DCT: variants seen among roughly 807,000 people sequenced by gnomAD.
DCT encodes the protein L-dopachrome tautomerase.
Under a neutral mutation model 53.0 loss-of-function variants are expected in DCT, and 47 were observed. That is an observed-to-expected ratio of 0.89 (90% CI 0.70 to 1.13). DCT has a LOEUF of 1.13. Ranked by LOEUF, DCT falls within the 50% of genes most tolerant of loss-of-function variation. The pLI is 0.00. For missense variants in DCT, 669 were observed against 637.4 expected, an observed-to-expected ratio of 1.05 and a Z score of -0.53; for synonymous variants, 244 against 237.0, an observed-to-expected ratio of 1.03 and a Z score of -0.27.
chr13:94,438,372 T>C lies in DCT; in HGVS notation c.*1526A>G, dbSNP rs1882041097. 1 of 231,692 alleles carries C rather than the reference T, an allele frequency of 4.3e-6. No individual in the cohort carries two copies. The highest frequency in any genetic ancestry group is 5.2e-5 in the Admixed American group (1 of 19,172). 14.4% of individuals were successfully genotyped at this position (231,692 alleles called of 1,614,324 possible). ...CTGAGCCTGCTCTCAGATGCACCTG[T>C]AGCTTTATGAGATTCAAATTCAGTT... On this transcript the variant is annotated 3_prime_UTR_variant, in exon 8 of 8. Coordinates refer to ENST00000377028, the MANE Select transcript of DCT (RefSeq NM_001922.5).
At chr13:94,456,570 AT>A (rs1883426310) in intron 6 of DCT, among the ~76,000 whole-genome samples, 1 of 152,242 alleles carries the variant, frequency 6.6e-6, no homozygotes, top group African/African-American at 2.4e-5. Flanking sequence ...AATTCTGACC[AT>A]TATAAAACAC....
chr13:94,492,235 C>A, the DCT span, among the ~76,000 whole-genome samples: 2 of 152,194 alleles, frequency 1.3e-5, no homozygotes, highest in African/African-American at 4.8e-5. Flanking sequence ...AGCAGAGAAG[C>A]AGCGAGCCTT....
Position 94,438,883 on chromosome 13 carries a change from A to G in DCT, c.*1015T>C, listed in dbSNP as rs1420922816. 3.8e-6 allele frequency: 1 copy of G among 262,382 alleles called. No individual in the cohort carries two copies. Among genetic ancestry groups the G allele is most frequent in the East Asian group, 1.1e-4 (1 of 8,762 alleles). 16.3% of individuals were successfully genotyped at this position (262,382 alleles called of 1,614,324 possible). The stretch of plus-strand genomic sequence containing the variant: ...GGCAACATTAATCAATCTAACATCA[A>G]TGCTTAAAAATAAGCCCAGTGCATT... On this transcript the variant is annotated 3_prime_UTR_variant, in exon 8 of 8. Transcript: ENST00000377028.
At chr13:94,462,835 G>T (rs1487159476) in intron 4 of DCT, among the ~76,000 whole-genome samples, 4 of 152,194 alleles carry the variant, frequency 2.6e-5, no homozygotes. Flanking sequence ...GGAGAATAGG[G>T]TGGTTCGTAT....
chr13:94,457,052 C>T (rs142674419), intron 6 of DCT, among the ~76,000 whole-genome samples: 148 of 152,302 alleles, frequency 9.7e-4, no homozygotes, highest in African/African-American at 3.4e-3. Flanking sequence ...ATCACTTGAA[C>T]GCAGGAGGCG....
the DCT span, among the ~76,000 whole-genome samples, chr13:94,531,341 C>T: frequency 3.1e-3 from 473 of 152,164 alleles, 2 homozygotes; most frequent in African/African-American, 0.011. Flanking sequence ...AAGACAATCC[C>T]AAGCCAAAAG....
At chr13:94,525,761 A>G in the DCT span, among the ~76,000 whole-genome samples, 2 of 152,132 alleles carry the variant, frequency 1.3e-5, no homozygotes, top group Non-Finnish European at 2.9e-5. Flanking sequence ...CCAAGGTAGG[A>G]AGGGGAAGAT....
chr13:94,502,740 C>A, the DCT span, among the ~76,000 whole-genome samples: 1 of 152,090 alleles, frequency 6.6e-6, no homozygotes, highest in African/African-American at 2.4e-5. Flanking sequence ...CTTTATAAAT[C>A]TTTCTCGTCT....
At chr13:94,467,394 A>T (rs1302508679) in intron 2 of DCT, 1 of 152,206 alleles carries the variant, frequency 6.6e-6, no homozygotes, top group Non-Finnish European at 1.5e-5. Flanking sequence ...TCTTGTCCAA[A>T]ATACCTATAA....
At chr13:94,536,496 T>C in the DCT span, among the ~76,000 whole-genome samples, 1 of 152,146 alleles carries the variant, frequency 6.6e-6, no homozygotes, top group Admixed American at 6.5e-5. Flanking sequence ...CCCTCATGAA[T>C]GGGTTGGTGC....
chr13:94,448,893 G>A (rs1882900848), intron 6 of DCT, among the ~76,000 whole-genome samples: 3 of 151,088 alleles, frequency 2.0e-5, no homozygotes, highest in Admixed American at 1.3e-4. Flanking sequence ...CACAGAGTGA[G>A]ACTCCATCTC....
the DCT span, among the ~76,000 whole-genome samples, chr13:94,528,791 A>G: frequency 3.4e-5 from 5 of 148,354 alleles, no homozygotes; most frequent in Non-Finnish European, 5.9e-5. Flanking sequence ...AAACGTAACA[A>G]TATTAACCTT....
chr13:94,549,220 T>G, the DCT span, among the ~76,000 whole-genome samples: 1 of 152,260 alleles, frequency 6.6e-6, no homozygotes, highest in Non-Finnish European at 1.5e-5. Flanking sequence ...TTGCTTTTTC[T>G]TCAAATTCGG....
At chr13:94,512,150 T>A in the DCT span, among the ~76,000 whole-genome samples, 336 of 152,258 alleles carry the variant, frequency 2.2e-3, no homozygotes, top group Non-Finnish European at 3.6e-3. Flanking sequence ...AGCATAATAA[T>A]AACAACAGCA....
upstream of DCT, among the ~76,000 whole-genome samples, chr13:94,482,021 T>A (rs1440053463): frequency 6.6e-6 from 1 of 152,320 alleles, no homozygotes; most frequent in African/African-American, 2.4e-5. Context: ...ACAATAAGAA[T>A]AGAAATTGAG....
chr13:94,487,294 T>C, the DCT span, among the ~76,000 whole-genome samples: 2 of 152,208 alleles, frequency 1.3e-5, no homozygotes, highest in Non-Finnish European at 2.9e-5. Flanking sequence ...AAGTGCCTTA[T>C]TAGAAAGCAA....
chr13:94,536,352 G>T, the DCT span, among the ~76,000 whole-genome samples: 1 of 152,284 alleles, frequency 6.6e-6, no homozygotes, highest in South Asian at 2.1e-4. Flanking sequence ...TCCCAAACAT[G>T]CCTGCTAAAG....
chr13:94,536,540 T>C, the DCT span, among the ~76,000 whole-genome samples: 2 of 152,288 alleles, frequency 1.3e-5, no homozygotes, highest in African/African-American at 4.8e-5. Context: ...ATTCAGTCTA[T>C]GAGTTTTCAC....
chr13:94,508,210 G>A, the DCT span, among the ~76,000 whole-genome samples: 2 of 152,180 alleles, frequency 1.3e-5, no homozygotes, highest in Non-Finnish European at 2.9e-5. Context: ...TACATATGAA[G>A]CACTGAGCAG....
Sources: allele counts gnomAD v4.1 joint callset (sites outside exome capture counted in the v4.1 genomes callset), GRCh38; gene constraint gnomAD v4.1.1; transcripts MANE v1.5; gene names NCBI Gene and HGNC (gene_info 2026-07-23, HGNC 2026-07-21).